Variants in FAM110B observed in about 807,000 individuals in gnomAD.
FAM110B encodes the protein family with sequence similarity 110 member B.
A neutral mutation model predicts 20.4 loss-of-function variants in FAM110B; 6 were observed. That is an observed-to-expected ratio of 0.29 (90% CI 0.16 to 0.58). The LOEUF (loss-of-function observed/expected upper bound fraction) is 0.58, where lower values mean the gene tolerates loss of function less well. Ranked by LOEUF, FAM110B falls within the 20% of genes least tolerant of loss-of-function variation. The pLI, the probability that FAM110B is intolerant of heterozygous loss-of-function variation, is 0.90. For synonymous variants in FAM110B, 226 were observed against 214.1 expected (o/e 1.06, Z -0.49); for missense variants, 434 against 498.2 (o/e 0.87, Z 1.23).
At chr8:58,133,135 T>A (rs2150635755) in intron 3 of FAM110B, among the ~76,000 whole-genome samples, 1 of 152,242 alleles carries the variant, frequency 6.6e-6, no homozygotes, top group East Asian at 1.9e-4. Flanking sequence ...AAAGTATTGA[T>A]CAGATTACTT....
intron 2 of FAM110B, among the ~76,000 whole-genome samples, chr8:58,038,045 T>C (rs1310990260): frequency 1.3e-5 from 2 of 152,208 alleles, no homozygotes; most frequent in African/African-American, 2.4e-5. Flanking sequence ...TTCTAGATTG[T>C]TTTGCTTAGT....
chr8:58,115,493 AG>A (rs57995137), intron 3 of FAM110B, among the ~76,000 whole-genome samples: 3,498 of 152,216 alleles, frequency 0.023, 140 homozygotes, highest in African/African-American at 0.08. Flanking sequence ...TCCTGGGTTC[AG>A]TCGATTCTCG....
intron 1 of FAM110B, among the ~76,000 whole-genome samples, chr8:58,014,927 A>C (rs949271308): frequency 2.0e-5 from 3 of 152,250 alleles, no homozygotes; most frequent in African/African-American, 7.2e-5. Flanking sequence ...ACTTTAGGCC[A>C]TGAAAATGTA....
intron 1 of FAM110B, among the ~76,000 whole-genome samples, chr8:57,999,488 T>C (rs1420933427): frequency 6.6e-6 from 1 of 152,166 alleles, no homozygotes; most frequent in Non-Finnish European, 1.5e-5. Flanking sequence ...GAATCACATA[T>C]AGCCTTCAAA....
chr8:58,014,030 A>T (rs1289218344), intron 1 of FAM110B, among the ~76,000 whole-genome samples: 1 of 152,028 alleles, frequency 6.6e-6, no homozygotes, highest in African/African-American at 2.4e-5. Context: ...GCTTGTGATG[A>T]TCATGCTTTT....
At chr8:58,008,336 T>C (rs1300698592) in intron 1 of FAM110B, among the ~76,000 whole-genome samples, 4 of 152,110 alleles carry the variant, frequency 2.6e-5, no homozygotes, top group African/African-American at 9.7e-5. Flanking sequence ...TTTCACCATG[T>C]TGGCCAGGCT....
chr8:58,122,869 G>A (rs979365489), intron 3 of FAM110B, among the ~76,000 whole-genome samples: 2 of 152,166 alleles, frequency 1.3e-5, no homozygotes, highest in South Asian at 2.1e-4. Flanking sequence ...TCAGCGTGGA[G>A]GTGGGAGTTG....
intron 2 of FAM110B, among the ~76,000 whole-genome samples, chr8:58,034,881 G>T (rs150259628): frequency 6.6e-6 from 1 of 152,170 alleles, no homozygotes; most frequent in Non-Finnish European, 1.5e-5. Context: ...CAGCAAATGT[G>T]TTCAGAATGG....
At chr8:58,058,773 T>C (rs1259522602) in intron 2 of FAM110B, among the ~76,000 whole-genome samples, 3 of 152,210 alleles carry the variant, frequency 2.0e-5, no homozygotes, top group Non-Finnish European at 2.9e-5. Flanking sequence ...AAACCTTTTT[T>C]AAAACTTTAT....
At chr8:58,128,910 G>A (rs1351303441) in intron 3 of FAM110B, among the ~76,000 whole-genome samples, 2 of 152,140 alleles carry the variant, frequency 1.3e-5, no homozygotes, top group Admixed American at 6.5e-5. Flanking sequence ...CCTGCTAAAA[G>A]GAATCATTGG....
At position 58,146,878 on chromosome 8, in the gene FAM110B, C is replaced by T; in HGVS notation, c.648C>T (p.Pro216=). The T allele has an allele frequency of 6.2e-7, 1 of 1,614,174 alleles. No individual in the cohort carries two copies. The highest frequency in any genetic ancestry group is 1.1e-5 in the South Asian group (1 of 91,074). ...GCGTGAAGCCCCTCAAGGCCATCCC[C>T]TGCAGTAGCTCTGCCCCTCCCCTGC... ...VTSVKPLKAI[P]CSSSAPPLPP... is the part of the protein sequence containing the mutation. Residue 216 remains proline, a synonymous_variant, in exon 4 of 4, where the codon CCC becomes CCT. Transcript: ENST00000519262.
chr8:58,111,849 C>T (rs1807066050), intron 3 of FAM110B, among the ~76,000 whole-genome samples: 1 of 152,106 alleles, frequency 6.6e-6, no homozygotes, highest in African/African-American at 2.4e-5. Context: ...TTGTGCCTGG[C>T]ATTGGGCTAG....
rs185997757 is a variant in FAM110B at position 58,097,952 on chromosome 8, C to T, written c.-325+22329C>T. Reference sequence around the variant, plus strand: ...TGGAAGCTTTGTCCCAGAGGGGCACCCGCCAGATGCCAGCTGGAGCTCTCC... The same window carrying T: ...TGGAAGCTTTGTCCCAGAGGGGCACTCGCCAGATGCCAGCTGGAGCTCTCC... On this transcript the variant is annotated intron_variant, in intron 3 of 3. Coordinates refer to ENST00000519262, the MANE Select transcript of FAM110B (RefSeq NM_001377989.1). Among the ~76,000 whole-genome samples the T allele has an allele frequency of 1.0e-3, 156 of 152,320 alleles. 1 individual carries two copies. The highest frequency in any genetic ancestry group is 3.6e-3 in the African/African-American group (149 of 41,584).
intron 1 of FAM110B, among the ~76,000 whole-genome samples, chr8:58,016,662 G>T (rs903575859): frequency 6.6e-6 from 1 of 152,250 alleles, no homozygotes; most frequent in Non-Finnish European, 1.5e-5. Flanking sequence ...TGTTTGCCTC[G>T]TGGTGTTGCC....
At chr8:58,077,341 G>C (rs1806062968) in intron 3 of FAM110B, 2 of 152,368 alleles carry the variant, frequency 1.3e-5, no homozygotes, top group Admixed American at 1.3e-4. Context: ...TGCAGTGCTA[G>C]AACTGGGAAG....
chr8:58,079,614 A>G (rs944028062), intron 3 of FAM110B, among the ~76,000 whole-genome samples: 1 of 151,562 alleles, frequency 6.6e-6, no homozygotes, highest in Non-Finnish European at 1.5e-5. Context: ...CTGTCTCTAC[A>G]AAAAAAAATT....
intron 1 of FAM110B, among the ~76,000 whole-genome samples, chr8:58,014,998 A>G (rs571633204): frequency 5.3e-4 from 81 of 152,266 alleles, no homozygotes; most frequent in African/African-American, 1.9e-3. Flanking sequence ...AGGAATTTTA[A>G]TTGTTTTAGT....
chr8:58,022,993 A>T (rs1804787163), intron 1 of FAM110B, among the ~76,000 whole-genome samples: 1 of 152,180 alleles, frequency 6.6e-6, no homozygotes, highest in African/African-American at 2.4e-5. Flanking sequence ...TCTGATGTTG[A>T]ATATATTGTG....
chr8:58,128,165 G>A (rs898990598), intron 3 of FAM110B, among the ~76,000 whole-genome samples: 1 of 152,162 alleles, frequency 6.6e-6, no homozygotes, highest in African/African-American at 2.4e-5. Context: ...CACCCTGTGA[G>A]GAAGGTGCTG....
Sources: gnomAD v4.1 joint callset for allele counts (sites outside exome capture counted in the v4.1 genomes callset) on GRCh38, gnomAD v4.1.1 for gene constraint, MANE v1.5 for transcripts, NCBI Gene and HGNC (gene_info 2026-07-23, HGNC 2026-07-21) for gene names.